The following NXPE2 variants were observed in gnomAD, a reference collection of about 807,000 sequenced individuals.
NXPE2 encodes the protein NXPE family member 2.
In NXPE2, 34 loss-of-function variants were observed where a neutral mutation model predicts 34.4. The ratio of observed to expected loss-of-function variants is 0.99; its 90% CI spans 0.75 to 1.31. NXPE2 has a LOEUF of 1.31. Ranked by LOEUF, NXPE2 falls within the 40% of genes most tolerant of loss-of-function variation. The probability of loss-of-function intolerance (pLI) is 0.00; values close to 1 mark genes in which losing one functional copy is unlikely to be tolerated. For synonymous variants in NXPE2, 235 were observed against 231.3 expected, an observed-to-expected ratio of 1.02 and a Z score of -0.15; for missense variants, 649 against 672.5, an observed-to-expected ratio of 0.97 and a Z score of 0.39.
chr11:114,773,657 G>A, the NXPE2 span, among the ~76,000 whole-genome samples: 1 of 149,474 alleles, frequency 6.7e-6, no homozygotes, highest in Non-Finnish European at 1.5e-5. Context: ...TTCTGGGTGT[G>A]TCTGTGGGAT....
At chr11:114,475,330 G>A in the NXPE2 span, among the ~76,000 whole-genome samples, 51 of 138,768 alleles carry the variant, frequency 3.7e-4, no homozygotes, top group African/African-American at 8.8e-4. Flanking sequence ...TACAAGCTCC[G>A]CCTCCCGGGT....
the NXPE2 span, among the ~76,000 whole-genome samples, chr11:114,486,950 T>G: frequency 6.6e-6 from 1 of 152,160 alleles, no homozygotes; most frequent in African/African-American, 2.4e-5. Flanking sequence ...GTTCTGTTCT[T>G]TTTGCTCATG....
At chr11:114,583,138 G>A in the NXPE2 span, 430 of 1,160,470 alleles carry the variant, frequency 3.7e-4, 1 homozygote, top group African/African-American at 5.7e-3. Flanking sequence ...TTTACTTATT[G>A]TGATTTTGAA....
chr11:114,784,976 A>C, the NXPE2 span, among the ~76,000 whole-genome samples: 1 of 152,104 alleles, frequency 6.6e-6, no homozygotes, highest in South Asian at 2.1e-4. Context: ...TAAAAACCAG[A>C]AAATAAAAAA....
intron 2 of NXPE2, among the ~76,000 whole-genome samples, chr11:114,680,713 A>G (rs1190653785): frequency 6.6e-6 from 1 of 152,138 alleles, no homozygotes; most frequent in Non-Finnish European, 1.5e-5. Flanking sequence ...AGAACTACTG[A>G]AATCTCAGTT....
chr11:114,647,706 T>TA, the NXPE2 span, among the ~76,000 whole-genome samples: 2 of 100,878 alleles, frequency 2.0e-5, no homozygotes, highest in Admixed American at 2.1e-4. Flanking sequence ...TTTTATTTTA[T>TA]TTTTTTTTTT....
At chr11:114,805,772 G>A in the NXPE2 span, among the ~76,000 whole-genome samples, 1 of 152,212 alleles carries the variant, frequency 6.6e-6, no homozygotes, top group Non-Finnish European at 1.5e-5. Flanking sequence ...CTGGGGGCAG[G>A]GCACAGACAA....
the NXPE2 span, among the ~76,000 whole-genome samples, chr11:114,776,595 G>C: frequency 6.6e-6 from 1 of 152,206 alleles, no homozygotes; most frequent in East Asian, 1.9e-4. Flanking sequence ...AGAAGCCTTC[G>C]TGCTGGGAGC....
the NXPE2 span, among the ~76,000 whole-genome samples, chr11:114,650,470 T>C: frequency 1.8e-3 from 280 of 152,102 alleles, 2 homozygotes; most frequent in African/African-American, 5.3e-3. Flanking sequence ...ATGAAGGAAG[T>C]AATTGGCAGC....
chr11:114,795,747 G>A, the NXPE2 span, among the ~76,000 whole-genome samples: 1 of 152,192 alleles, frequency 6.6e-6, no homozygotes, highest in African/African-American at 2.4e-5. Flanking sequence ...ATGCACCTGT[G>A]CATGTCTTAC....
the NXPE2 span, among the ~76,000 whole-genome samples, chr11:114,609,254 T>C: frequency 6.6e-6 from 1 of 151,768 alleles, no homozygotes; most frequent in Non-Finnish European, 1.5e-5. Flanking sequence ...ACCCAGTGGT[T>C]AATAAGTATT....
At chr11:114,561,909 T>G in the NXPE2 span, among the ~76,000 whole-genome samples, 1 of 152,216 alleles carries the variant, frequency 6.6e-6, no homozygotes, top group Admixed American at 6.5e-5. Context: ...TTTCTCCAGT[T>G]TATTGTTTTC....
the NXPE2 span, chr11:114,523,111 TA>T: frequency 6.4e-7 from 1 of 1,572,654 alleles, no homozygotes; most frequent in Non-Finnish European, 8.7e-7. Context: ...AAGACACTCG[TA>T]AATGATTTTA....
At chr11:114,551,055 A>G in the NXPE2 span, 1 of 1,031,348 alleles carries the variant, frequency 9.7e-7, no homozygotes. Context: ...CACGTCACAC[A>G]GGTGAGGGCT....
At chr11:114,527,737 A>T in the NXPE2 span, 1 of 669,440 alleles carries the variant, frequency 1.5e-6, no homozygotes, top group Admixed American at 2.9e-5. Flanking sequence ...GACATCATAG[A>T]CATCTGCTAG....
the NXPE2 span, among the ~76,000 whole-genome samples, chr11:114,632,699 T>TACATA: frequency 1.4e-5 from 1 of 71,954 alleles, no homozygotes; most frequent in African/African-American, 5.6e-5. Context: ...TTTATATATT[T>TACATA]ATATAATATA....
At chr11:114,756,870 T>C in the NXPE2 span, among the ~76,000 whole-genome samples, 1 of 152,202 alleles carries the variant, frequency 6.6e-6, no homozygotes, top group Non-Finnish European at 1.5e-5. Context: ...TAATGGTTGA[T>C]GACATGAGGC....
chr11:114,635,754 T>C, the NXPE2 span, among the ~76,000 whole-genome samples: 3 of 152,112 alleles, frequency 2.0e-5, no homozygotes, highest in Non-Finnish European at 4.4e-5. Context: ...TCTGTTTATA[T>C]GCTGGATTAC....
the NXPE2 span, among the ~76,000 whole-genome samples, chr11:114,465,079 G>C: frequency 3.0e-4 from 46 of 152,282 alleles, no homozygotes; most frequent in Non-Finnish European, 5.9e-4. Context: ...ACTTACTGGT[G>C]AGAATGTAAA....
Sources: gnomAD v4.1 joint callset for allele counts (sites outside exome capture counted in the v4.1 genomes callset) on GRCh38, gnomAD v4.1.1 for gene constraint, MANE v1.5 for transcripts, NCBI Gene and HGNC (gene_info 2026-07-23, HGNC 2026-07-21) for gene names.